DRICH1: variants seen among roughly 807,000 people sequenced by gnomAD.
DRICH1 encodes aspartate-rich protein 1.
A neutral mutation model predicts 39.5 loss-of-function variants in DRICH1; 38 were observed. The observed-to-expected ratio is 0.96, with a 90% CI of 0.74 to 1.26. The LOEUF is 1.26. DRICH1 is among the 50% of genes most tolerant of loss of function. The pLI is 0.00. For synonymous variants in DRICH1, 84 were observed against 99.5 expected (o/e 0.84, Z 0.93); for missense variants, 279 against 270.4 (o/e 1.03, Z -0.22).
intron 1 of DRICH1, among the ~76,000 whole-genome samples, chr22:23,630,186 C>A (rs1367009003): frequency 6.6e-6 from 1 of 152,200 alleles, no homozygotes; most frequent in Non-Finnish European, 1.5e-5. Context: ...TATGTGACCA[C>A]TGGGGCCCCA....
chr22:23,611,992 T>C (rs1376516803), intron 11 of DRICH1, among the ~76,000 whole-genome samples: 1 of 152,204 alleles, frequency 6.6e-6, no homozygotes, highest in Non-Finnish European at 1.5e-5. Context: ...TACTCACATA[T>C]GCTGTTAGAG....
chr22:23,587,063 C>G, the DRICH1 span, among the ~76,000 whole-genome samples: 1 of 152,174 alleles, frequency 6.6e-6, no homozygotes, highest in Non-Finnish European at 1.5e-5. Flanking sequence ...CTTACCTGTG[C>G]CCTTATCGTG....
At chr22:23,620,877 A>G (rs569706117) in intron 4 of DRICH1, among the ~76,000 whole-genome samples, 67 of 152,296 alleles carry the variant, frequency 4.4e-4, no homozygotes, top group Admixed American at 9.1e-4. Context: ...CCTAATCCAA[A>G]GAGAAAAACT....
At chr22:23,616,325 G>A (rs773927242) in intron 8 of DRICH1, among the ~76,000 whole-genome samples, 1 of 152,136 alleles carries the variant, frequency 6.6e-6, no homozygotes, top group African/African-American at 2.4e-5. Context: ...AAAGTAAGAA[G>A]AGGTGATCGA....
At chr22:23,612,466 C>CAA (rs1211963554) in intron 11 of DRICH1, among the ~76,000 whole-genome samples, 730 of 24,470 alleles carry the variant, frequency 0.03, 104 homozygotes, top group African/African-American at 0.061. Flanking sequence ...GACTCCATCT[C>CAA]AAAAAAAAAA....
chr22:23,611,718 G>A (rs1927046061), intron 11 of DRICH1, among the ~76,000 whole-genome samples: 1 of 152,090 alleles, frequency 6.6e-6, no homozygotes, highest in African/African-American at 2.4e-5. Flanking sequence ...TATGACAGTG[G>A]TCCCATAAGA....
chr22:23,604,334 T>C (rs1015285878), downstream of DRICH1, among the ~76,000 whole-genome samples: 3 of 152,082 alleles, frequency 2.0e-5, no homozygotes, highest in Non-Finnish European at 4.4e-5. Flanking sequence ...CTGCCAGGTG[T>C]CCCCTGCACC....
chr22:23,609,573 G>A (rs1285102678), intron 11 of DRICH1, among the ~76,000 whole-genome samples: 1 of 152,108 alleles, frequency 6.6e-6, no homozygotes, highest in Non-Finnish European at 1.5e-5. Context: ...ACACCTGTTT[G>A]TGCAGGTGTC....
rs2123773253 is a variant in DRICH1, at chr22:23,616,846, T to G, written c.541+7A>C. 4 of 1,614,012 alleles carry G rather than the reference T, an allele frequency of 2.5e-6. No individual in the cohort carries two copies. The highest frequency in any genetic ancestry group is 2.2e-5 in the South Asian group (2 of 91,082). On this transcript the variant is annotated splice_region_variant and intron_variant, in intron 8 of 11. Coordinates refer to ENST00000317749, the MANE Select transcript of DRICH1 (RefSeq NM_016449.4). ...TCTCAGAAAGTGAGTTAGTTCAAGGTACATACCCTGGACAGGTGACGGTAA... is the reference window on the plus strand; with the variant it reads ...TCTCAGAAAGTGAGTTAGTTCAAGGGACATACCCTGGACAGGTGACGGTAA...
chr22:23,620,690 T>C, intron 4 of DRICH1, 75 bp from the exon 5 acceptor site: 3 of 1,535,218 alleles, frequency 2.0e-6, no homozygotes, highest in East Asian at 2.2e-5. Flanking sequence ...TCTGTTATTC[T>C]CTTGATGACT....
chr22:23,628,900 G>T (rs1928232555), intron 1 of DRICH1, among the ~76,000 whole-genome samples: 1 of 152,172 alleles, frequency 6.6e-6, no homozygotes, highest in Admixed American at 6.5e-5. Flanking sequence ...CATTCTTGAG[G>T]CATTTAGGAT....
intron 8 of DRICH1, among the ~76,000 whole-genome samples, chr22:23,614,449 AC>A (rs35686824): frequency 6.6e-6 from 1 of 151,960 alleles, no homozygotes; most frequent in Non-Finnish European, 1.5e-5. Context: ...CAAAACAATC[AC>A]CCCCAAATGT....
At chr22:23,596,051 C>G in the DRICH1 span, among the ~76,000 whole-genome samples, 71,983 of 152,040 alleles carry the variant, frequency 0.47, 17,373 homozygotes, top group East Asian at 0.63. Flanking sequence ...CTTCTGCTCT[C>G]TAGGAGATAG....
the DRICH1 span, among the ~76,000 whole-genome samples, chr22:23,592,879 C>CACACACAA: frequency 7.9e-6 from 1 of 127,228 alleles, no homozygotes; most frequent in Non-Finnish European, 1.7e-5. Context: ...CACACACACA[C>CACACACAA]AAAATTAGCT....
At chr22:23,620,662 C>T (rs1203383297) in intron 4 of DRICH1, 47 bp from the exon 5 acceptor site, 3 of 1,600,190 alleles carry the variant, frequency 1.9e-6, no homozygotes, top group Admixed American at 1.7e-5. Context: ...ATCAATTCTG[C>T]TGCACCCCTT....
rs1569096922 is a variant in DRICH1, at chr22:23,627,892, C to T, written c.209-1844G>A. Among the ~76,000 whole-genome samples, 4 of 152,284 alleles carry T rather than the reference C, an allele frequency of 2.6e-5. No individual in the cohort carries two copies. In the South Asian group the frequency reaches 8.3e-4, roughly 32 times the overall value. ...ACCCCAGAGGCGACCTAGAACTCAT[C>T]CCAGGGGTGTGTTCATTACAATGCC... On this transcript the variant is annotated intron_variant, in intron 1 of 11. Transcript: ENST00000317749.
At chr22:23,624,196 C>A (rs1478592006) in intron 3 of DRICH1, 3 of 985,278 alleles carry the variant, frequency 3.0e-6, no homozygotes, top group Non-Finnish European at 3.6e-6. Context: ...ATGCATCTGG[C>A]ACACCGCAGA....
intron 3 of DRICH1, 52 bp downstream of exon 3, chr22:23,624,831 T>C (rs1440275669): frequency 1.0e-5 from 16 of 1,588,606 alleles, no homozygotes; most frequent in African/African-American, 1.3e-5. Context: ...TTTCTATATA[T>C]TAAAGCTAGC....
At position 23,632,192 on chromosome 22, in the gene DRICH1, G is replaced by T; in HGVS notation, c.-169C>A. On this transcript the variant is annotated 5_prime_UTR_variant, in exon 1 of 12. Coordinates refer to ENST00000317749, the MANE Select transcript of DRICH1 (RefSeq NM_016449.4). ...TCTGCCGCCACCTCCCAAACTAGCT[G>T]GTCTATGAGGTCAGGGACCTGCTGT... The T allele has an allele frequency of 9.2e-7, 1 of 1,088,664 alleles. No individual in the cohort carries two copies. The highest frequency in any genetic ancestry group is 1.3e-6 in the Non-Finnish European group (1 of 775,556). The allele number at this position is 1,088,664 out of a possible 1,614,324, so 67.4% of individuals were successfully genotyped here. A position where few individuals can be genotyped will look rare whatever the true frequency, so the allele number is the denominator to read the frequency against.
Sources: allele counts gnomAD v4.1 joint callset (sites outside exome capture counted in the v4.1 genomes callset), GRCh38; gene constraint gnomAD v4.1.1; transcripts MANE v1.5; gene names NCBI Gene and HGNC (gene_info 2026-07-23, HGNC 2026-07-21).